PIAS4: variants seen among roughly 807,000 people sequenced by gnomAD.
PIAS4 encodes the protein protein inhibitor of activated STAT 4.
PIAS4 carries 7 observed loss-of-function variants against 58.0 expected under a neutral mutation model. The ratio of observed to expected loss-of-function variants is 0.12; its 90% CI spans 0.07 to 0.23. The LOEUF (loss-of-function observed/expected upper bound fraction) is 0.23, where lower values mean the gene tolerates loss of function less well. Ranked by LOEUF, PIAS4 falls within the 10% of genes least tolerant of loss-of-function variation. PIAS4 has a pLI of 1.00. For synonymous variants in PIAS4, 364 were observed against 312.4 expected, an observed-to-expected ratio of 1.17 and a Z score of -1.74; for missense variants, 550 against 709.5, an observed-to-expected ratio of 0.78 and a Z score of 2.55.
At chr19:4,033,818 C>T (rs577880165) in intron 9 of PIAS4, among the ~76,000 whole-genome samples, 3 of 152,320 alleles carry the variant, frequency 2.0e-5, no homozygotes, top group African/African-American at 4.8e-5. Context: ...AGGTGGGCTC[C>T]GGTCCACCCC....
chr19:4,008,940 T>C (rs2039968479), intron 1 of PIAS4, among the ~76,000 whole-genome samples: 1 of 152,192 alleles, frequency 6.6e-6, no homozygotes, highest in Non-Finnish European at 1.5e-5. Flanking sequence ...TATTATACTT[T>C]GGGTCCTGTC....
intron 2 of PIAS4, among the ~76,000 whole-genome samples, chr19:4,017,427 A>C (rs1035218143): frequency 6.6e-6 from 1 of 152,098 alleles, no homozygotes; most frequent in Non-Finnish European, 1.5e-5. Flanking sequence ...AGTGGTCGGC[A>C]TCACCCCTGT....
chr19:4,007,866 T>C, intron 1 of PIAS4, 79 bp downstream of exon 1: 2 of 1,098,996 alleles, frequency 1.8e-6, no homozygotes, highest in Non-Finnish European at 2.3e-6. Flanking sequence ...GGTCTGCGCC[T>C]TCTGTCCGGG....
In PIAS4 at chr19:4,007,762, TGGC is replaced by T; in HGVS notation, c.8_10del (p.Ala3?). On this transcript the variant is annotated start_lost and inframe_deletion, in exon 1 of 11. Coordinates refer to ENST00000262971, the MANE Select transcript of PIAS4 (RefSeq NM_015897.4). The stretch of plus-strand genomic sequence containing the variant: ...GCGCGGGGGACGCTGGTGACCAAGA[TGGC>T]GGCGGAGCTGGTGGAGGCCAAAGTG... 1 of 1,215,588 alleles carries T rather than the reference TGGC, an allele frequency of 8.2e-7. No individual in the cohort carries two copies. Among genetic ancestry groups the T allele is most frequent in the Non-Finnish European group, 1.0e-6 (1 of 970,966 alleles). The allele number at this position is 1,215,588 out of a possible 1,614,324, so 75.3% of individuals were successfully genotyped here.
At chr19:4,022,887 G>A (rs759397282) in intron 2 of PIAS4, among the ~76,000 whole-genome samples, 5 of 150,922 alleles carry the variant, frequency 3.3e-5, no homozygotes, top group South Asian at 2.1e-4. Context: ...TAAGAGATGC[G>A]GCAGCCAGGC....
intron 1 of PIAS4, 70 bp from the exon 2 acceptor site, chr19:4,012,853 C>T (rs1599215026): frequency 6.7e-7 from 1 of 1,492,592 alleles, no homozygotes; most frequent in South Asian, 1.3e-5. Context: ...CACATCGGGG[C>T]CTGGCCTCCA....
intron 1 of PIAS4, among the ~76,000 whole-genome samples, chr19:4,011,052 C>A (rs1397843463): frequency 6.6e-6 from 1 of 152,236 alleles, no homozygotes; most frequent in South Asian, 2.1e-4. Context: ...TGCGGCTAGG[C>A]TCCTGGTCTC....
At chr19:4,029,465 C>A (rs914908044) in intron 7 of PIAS4, among the ~76,000 whole-genome samples, 1 of 152,096 alleles carries the variant, frequency 6.6e-6, no homozygotes, top group African/African-American at 2.4e-5. Context: ...CGGCCAGGGT[C>A]GTGGAGGCAG....
rs1599223933 is a variant in PIAS4 at position 4,024,134 on chromosome 19, C to T, written c.539+14C>T. ...CCGGAACTCCAGGTGTGCGGCACCT[C>T]CCCCAGCCCAGCACCCCACCGCCCG... On this transcript the variant is annotated intron_variant, in intron 3 of 10. Coordinates refer to ENST00000262971, the MANE Select transcript of PIAS4 (RefSeq NM_015897.4). 17 of 1,596,868 alleles carry T rather than the reference C, an allele frequency of 1.1e-5. No homozygotes were observed. Among genetic ancestry groups the T allele is most frequent in the Non-Finnish European group, 1.5e-5 (17 of 1,164,644 alleles).
intron 2 of PIAS4, among the ~76,000 whole-genome samples, chr19:4,022,837 A>AT (rs535618072): frequency 2.0e-3 from 270 of 137,386 alleles, no homozygotes; most frequent in East Asian, 3.0e-3. Context: ...AGGCCTGGCT[A>AT]TTTTTTTTTT....
At chr19:4,033,055 G>T (rs1295690302) in intron 7 of PIAS4, 45 bp from the exon 8 acceptor site, 3 of 1,524,462 alleles carry the variant, frequency 2.0e-6, no homozygotes, top group Non-Finnish European at 2.7e-6. Flanking sequence ...CCCGCGCCCT[G>T]CTGTTCCCAC....
chr19:4,019,290 A>C (rs1307573923), intron 2 of PIAS4, among the ~76,000 whole-genome samples: 1 of 152,128 alleles, frequency 6.6e-6, no homozygotes, highest in Non-Finnish European at 1.5e-5. Context: ...GGCCAGTGGC[A>C]CAGCAGTGAG....
intron 1 of PIAS4, 42 bp downstream of exon 1, chr19:4,007,829 G>A: frequency 8.3e-7 from 1 of 1,200,694 alleles, no homozygotes; most frequent in Non-Finnish European, 1.0e-6. Flanking sequence ...AAGTGGGCGA[G>A]AGGGCGGGGG....
chr19:4,026,063 G>T (rs1364391055), intron 3 of PIAS4, among the ~76,000 whole-genome samples: 2 of 84,224 alleles, frequency 2.4e-5, no homozygotes, highest in East Asian at 3.5e-4. Flanking sequence ...AACAAAGGGA[G>T]ACTCCGTCTC....
At chr19:4,024,234 C>A in intron 3 of PIAS4, 114 bp downstream of exon 3, 1 of 778,518 alleles carries the variant, frequency 1.3e-6, no homozygotes, top group Non-Finnish European at 2.2e-6. Context: ...CGGGCTCAGT[C>A]CAGAACCGTG....
At position 4,028,764 on chromosome 19, in the gene PIAS4, G is replaced by C; in HGVS notation, c.717G>C (p.Pro239=). 6.2e-7 allele frequency: 1 copy of C among 1,613,258 alleles called. No homozygotes were observed. The highest frequency in any genetic ancestry group is 1.1e-5 in the South Asian group (1 of 91,056). ...SNKPGVEPKR[P]CRPINLTHLM... ...AGCCCGGGGTGGAGCCCAAGAGGCC[G>C]TGCCGCCCCATCAACCTCACCCACC... is the stretch of plus-strand genomic sequence containing the variant. The change falls in exon 6 of 11, where the codon CCG becomes CCC. Residue 239 remains proline, a synonymous_variant. Transcript: ENST00000262971.
intron 2 of PIAS4, among the ~76,000 whole-genome samples, chr19:4,015,689 TG>T (rs552937442): frequency 1.3e-3 from 191 of 152,296 alleles, no homozygotes; most frequent in Non-Finnish European, 2.2e-3. Context: ...GGGTGCACTC[TG>T]TGGTGCTGGC....
intron 2 of PIAS4, among the ~76,000 whole-genome samples, chr19:4,015,015 G>A (rs944660594): frequency 1.3e-5 from 2 of 152,206 alleles, no homozygotes; most frequent in African/African-American, 4.8e-5. Flanking sequence ...GTGAGGCTCC[G>A]CCTCCACCTT....
intron 2 of PIAS4, among the ~76,000 whole-genome samples, chr19:4,019,327 G>A (rs1599220356): frequency 6.6e-6 from 1 of 152,268 alleles, no homozygotes; most frequent in East Asian, 1.9e-4. Context: ...CAGGCCCCCA[G>A]CAGAGAAGCA....
Sources: allele counts gnomAD v4.1 joint callset (sites outside exome capture counted in the v4.1 genomes callset), GRCh38; gene constraint gnomAD v4.1.1; transcripts MANE v1.5; gene names NCBI Gene and HGNC (gene_info 2026-07-23, HGNC 2026-07-21).